Variants in FANCD2 observed in about 807,000 individuals in gnomAD.
FANCD2 encodes Fanconi anemia group D2 protein.
FANCD2 carries 131 observed loss-of-function variants against 192.3 expected under a neutral mutation model. The ratio of observed to expected loss-of-function variants is 0.68; its 90% confidence interval spans 0.59 to 0.79. FANCD2 has a LOEUF of 0.79. Ranked by LOEUF, FANCD2 falls within the 30% of genes least tolerant of loss-of-function variation. The pLI is 0.00. For missense variants in FANCD2, 1,508 were observed against 1,701.6 expected (o/e 0.89, Z 2.00); for synonymous variants, 524 against 612.5 (o/e 0.86, Z 2.13).
chr3:10,072,764 T>G, intron 26 of FANCD2, 107 bp from the exon 27 acceptor site: 1 of 737,240 alleles, frequency 1.4e-6, no homozygotes, highest in Admixed American at 1.9e-5. Flanking sequence ...TCAGCCATGC[T>G]TGGTAATTTT....
At chr3:10,048,528 C>G (rs1332124060) in intron 16 of FANCD2, among the ~76,000 whole-genome samples, 1 of 152,234 alleles carries the variant, frequency 6.6e-6, no homozygotes, top group African/African-American at 2.4e-5. Context: ...TGGTCTCGAA[C>G]TCCTGACCTC....
chr3:10,086,676 G>A (rs1396236121), intron 33 of FANCD2, among the ~76,000 whole-genome samples: 1 of 152,008 alleles, frequency 6.6e-6, no homozygotes. Context: ...AGATGTTTTC[G>A]ACATGTGGCC....
Position 10,092,232 on chromosome 3 carries a change from A to G in FANCD2, c.3829A>G (p.Ile1277Val), listed in dbSNP as rs1462272103. Residue 1277 changes from isoleucine to valine, a missense_variant, in exon 38 of 44, where the codon ATC becomes GTC. Physicochemically the swap from Ile to Val is conservative, Grantham distance 29. This residue lies in a region of FANCD2 where 796 missense variants were observed against 879.4 expected (regional missense o/e 0.91). Transcript: ENST00000675286. Reference sequence around the variant, plus strand: ...GAACATGGCTGTTCGAGACTTCAGTATCCTCATCAACTTGATAAAGGTGAG... The same window carrying G: ...GAACATGGCTGTTCGAGACTTCAGTGTCCTCATCAACTTGATAAAGGTGAG... Reference protein sequence around the residue: ...YWNMAVRDFSILINLIKVFDS... With the variant: ...YWNMAVRDFSVLINLIKVFDS... 2 of 1,613,546 alleles carry G rather than the reference A, an allele frequency of 1.2e-6. No homozygotes were observed. The highest frequency in any genetic ancestry group is 1.7e-5 in the Admixed American group (1 of 60,012).
intron 14 of FANCD2, among the ~76,000 whole-genome samples, chr3:10,045,164 G>GTTTTGTTTTTGT (rs56931017): frequency 0.19 from 27,416 of 144,766 alleles, 2,981 homozygotes; most frequent in African/African-American, 0.31. Context: ...TTTTTGTTTT[G>GTTTTGTTTTTGT]TTTTGTTTTT....
At chr3:10,065,710 T>C (rs1426016962) in intron 24 of FANCD2, among the ~76,000 whole-genome samples, 154 bp from the exon 25 acceptor site, 2 of 152,252 alleles carry the variant, frequency 1.3e-5, no homozygotes, top group African/African-American at 2.4e-5. Flanking sequence ...TATTTGTTGA[T>C]TGCTATATGA....
At position 10,059,968 on chromosome 3, in the gene FANCD2, C is replaced by T. The variant is rs112847840; in HGVS notation, c.1657-326C>T. On this transcript the variant is annotated intron_variant, in intron 18 of 43. Coordinates refer to ENST00000675286, the MANE Select transcript of FANCD2 (RefSeq NM_001018115.3). ...GGTGGATCACCTGAGGTCAGGAGTTCACCAGCCTAGCCAACATGGTGAAAC... is the reference window on the plus strand; with the variant it reads ...GGTGGATCACCTGAGGTCAGGAGTTTACCAGCCTAGCCAACATGGTGAAAC... Among the ~76,000 whole-genome samples the T allele has an allele frequency of 0.2, 29,711 of 151,604 alleles. 3,373 individuals carry two copies. Among genetic ancestry groups the T allele is most frequent in the African/African-American group, 0.31 (13,010 of 41,344 alleles).
intron 34 of FANCD2, among the ~76,000 whole-genome samples, chr3:10,087,575 C>T (rs895812009): frequency 1.3e-5 from 2 of 151,688 alleles, no homozygotes; most frequent in African/African-American, 4.8e-5. Context: ...AGACATAAAT[C>T]ATGAGGTTAA....
chr3:10,061,795 A>G (rs1467628000), intron 19 of FANCD2, among the ~76,000 whole-genome samples: 1 of 152,148 alleles, frequency 6.6e-6, no homozygotes, highest in Non-Finnish European at 1.5e-5. Flanking sequence ...TCTTTACCCT[A>G]CCCTAGGGAA....
chr3:10,036,086 C>CTTTTTTTTTT lies in FANCD2; in HGVS notation c.439-191_439-182dup, dbSNP rs532765216. ...TAGTTGGAAAGAGAATTATACATTT[C>CTTTTTTTTTT]TTTTTTTTTTTTTTTTTTTGAGTCA... On this transcript the variant is annotated intron_variant, in intron 6 of 43. Coordinates refer to ENST00000675286, the MANE Select transcript of FANCD2 (RefSeq NM_001018115.3). Among the ~76,000 whole-genome samples the CTTTTTTTTTT allele has an allele frequency of 4.2e-4, 43 of 102,568 alleles. 4 individuals are homozygous for CTTTTTTTTTT. The highest frequency in any genetic ancestry group is 9.6e-4 in the African/African-American group (23 of 23,980). The allele number at this position is 102,568 out of a possible 152,430, so 67.3% of individuals were successfully genotyped here.
chr3:10,026,508 G>A (rs767066676), intron 1 of FANCD2, 35 bp downstream of exon 1: 3 of 506,834 alleles, frequency 5.9e-6, no homozygotes, highest in Non-Finnish European at 7.7e-6. Flanking sequence ...AGTCTCTCGA[G>A]GCCCCGCTCC....
chr3:10,073,656 G>T (rs1693377035), intron 28 of FANCD2, among the ~76,000 whole-genome samples: 1 of 152,250 alleles, frequency 6.6e-6, no homozygotes, highest in Non-Finnish European at 1.5e-5. Context: ...ATTATCAGTA[G>T]TTCCCTTTTA....
intron 43 of FANCD2, among the ~76,000 whole-genome samples, chr3:10,100,546 A>G (rs913198710): frequency 2.0e-5 from 3 of 152,124 alleles, no homozygotes; most frequent in Non-Finnish European, 4.4e-5. Context: ...TAGTTTTTGT[A>G]TATTTAGTAG....
chr3:10,058,150 TC>T, intron 18 of FANCD2: 1 of 383,362 alleles, frequency 2.6e-6, no homozygotes, highest in Non-Finnish European at 5.0e-6. Flanking sequence ...TGTAAGAGAA[TC>T]CAGTGGCCTG....
At chr3:10,071,310 C>T (rs890430025) in intron 26 of FANCD2, among the ~76,000 whole-genome samples, 9 of 152,110 alleles carry the variant, frequency 5.9e-5, no homozygotes, top group African/African-American at 1.9e-4. Context: ...AAAATAGAAT[C>T]ACCATATGAT....
At chr3:10,044,934 T>C (rs1319787156) in intron 14 of FANCD2, among the ~76,000 whole-genome samples, 1 of 152,180 alleles carries the variant, frequency 6.6e-6, no homozygotes, top group African/African-American at 2.4e-5. Context: ...GTCATAAATA[T>C]TTCAAGGTCT....
At chr3:10,033,097 T>G (rs992858858) in intron 3 of FANCD2, 125 bp downstream of exon 3, 12 of 881,908 alleles carry the variant, frequency 1.4e-5, no homozygotes, top group African/African-American at 3.4e-5. Flanking sequence ...TGAGACAAAG[T>G]TGAAATTGCT....
At chr3:10,083,414 T>C (rs1693966743) in intron 32 of FANCD2, 1 of 152,138 alleles carries the variant, frequency 6.6e-6, no homozygotes, top group Non-Finnish European at 1.5e-5. Flanking sequence ...CAAAAAGACT[T>C]AGCATGCCAA....
intron 9 of FANCD2, chr3:10,040,674 C>T (rs1180852352): frequency 7.5e-6 from 3 of 399,256 alleles, no homozygotes; most frequent in South Asian, 3.6e-5. Context: ...ATAAAGTTTC[C>T]ATCTTAATGC....
chr3:10,073,274 G>A lies in FANCD2; in HGVS notation c.2627G>A (p.Gly876Asp). Residue 876 changes from glycine to aspartate, a missense_variant, in exon 28 of 44, where the codon GGC becomes GAC. Physicochemically the swap from Gly to Asp is moderately conservative, Grantham distance 94. Transcript: ENST00000675286. ...AAAGAAAGGAAACAAAAAACAGATGGCAGCAAGACATCCTCCTCTGACACA... is the reference window on the plus strand; with the variant it reads ...AAAGAAAGGAAACAAAAAACAGATGACAGCAAGACATCCTCCTCTGACACA... The part of the protein sequence containing the change: ...GKIERKQKTD[G>D]SKTSSSDTLS... The A allele has an allele frequency of 6.2e-7, 1 of 1,613,734 alleles. No homozygotes were observed. The highest frequency in any genetic ancestry group is 8.5e-7 in the Non-Finnish European group (1 of 1,179,716).
Sources: allele counts gnomAD v4.1 joint callset (sites outside exome capture counted in the v4.1 genomes callset), GRCh38; gene constraint gnomAD v4.1.1; regional missense constraint gnomAD v4.1.1; transcripts MANE v1.5; gene names NCBI Gene and HGNC (gene_info 2026-07-23, HGNC 2026-07-21).